The following STARD13 variants were observed in gnomAD, a reference collection of about 807,000 sequenced individuals.
The protein encoded by STARD13 is stAR-related lipid transfer protein 13.
A neutral mutation model predicts 106.4 loss-of-function variants in STARD13; 62 were observed. That is an observed-to-expected ratio of 0.58 (90% CI 0.48 to 0.72). The LOEUF (loss-of-function observed/expected upper bound fraction) is 0.72. Among genes scored for constraint, STARD13 ranks in the 30% least tolerant of loss-of-function variants. The pLI is 0.00. For missense variants in STARD13, 1,387 were observed against 1,424.0 expected (o/e 0.97, Z 0.42); for synonymous variants, 565 against 553.0 (o/e 1.02, Z -0.31).
the STARD13 span, among the ~76,000 whole-genome samples, chr13:33,435,325 G>C: frequency 6.6e-6 from 1 of 152,148 alleles, no homozygotes; most frequent in Non-Finnish European, 1.5e-5. Context: ...CAGCTTGCAA[G>C]AGCTAAAACT....
chr13:33,132,607 T>C (rs932885038), intron 4 of STARD13, among the ~76,000 whole-genome samples: 9 of 152,144 alleles, frequency 5.9e-5, no homozygotes, highest in Admixed American at 6.5e-5. Context: ...TCTCAGCTAC[T>C]TGGGAGTCTG....
intron 1 of STARD13, among the ~76,000 whole-genome samples, chr13:33,332,563 C>A (rs2077848625): frequency 6.6e-6 from 1 of 152,092 alleles, no homozygotes; most frequent in Non-Finnish European, 1.5e-5. Context: ...TTTTTAGAAT[C>A]CAACCATGCT....
intron 1 of STARD13, among the ~76,000 whole-genome samples, chr13:33,176,013 C>T (rs1240919540): frequency 2.0e-5 from 3 of 152,164 alleles, no homozygotes; most frequent in Non-Finnish European, 4.4e-5. Flanking sequence ...AGGATAAAGT[C>T]ACTCCAATAC....
rs749155927 is a variant in STARD13, at chr13:33,292,168, C to G, written c.124+58122G>C. The stretch of plus-strand genomic sequence containing the variant: ...CAAGCCATGAAGTCCTGCACATTTG[C>G]TGGAAGTGGGTGAGAATGTGGCTTA... On this transcript the variant is annotated intron_variant, in intron 1 of 5. Transcript: ENST00000567873. Among the ~76,000 whole-genome samples, 4 of 152,230 alleles carry G rather than the reference C, an allele frequency of 2.6e-5. No individual in the cohort carries two copies. In the East Asian group the frequency reaches 7.7e-4, roughly 29 times the overall value.
chr13:33,625,902 A>G, the STARD13 span, among the ~76,000 whole-genome samples: 1 of 152,060 alleles, frequency 6.6e-6, no homozygotes, highest in Non-Finnish European at 1.5e-5. Flanking sequence ...GGGTTTCACC[A>G]TGTTGGCTAG....
intron 1 of STARD13, among the ~76,000 whole-genome samples, chr13:33,217,594 C>T (rs1036857765): frequency 1.3e-5 from 2 of 152,172 alleles, no homozygotes; most frequent in African/African-American, 4.8e-5. Context: ...CTGGCCTTCT[C>T]CACTTAGCGC....
At chr13:33,318,042 G>T (rs1448929532) in intron 1 of STARD13, among the ~76,000 whole-genome samples, 1 of 152,120 alleles carries the variant, frequency 6.6e-6, no homozygotes, top group African/African-American at 2.4e-5. Flanking sequence ...AACCACATTG[G>T]CATCAATTAG....
chr13:33,424,568 G>C, the STARD13 span, among the ~76,000 whole-genome samples: 1 of 152,168 alleles, frequency 6.6e-6, no homozygotes, highest in Non-Finnish European at 1.5e-5. Context: ...TCCTGTGTCT[G>C]GCCTAAGCAA....
intron 1 of STARD13, among the ~76,000 whole-genome samples, chr13:33,197,779 C>T (rs1886740880): frequency 6.6e-6 from 1 of 152,192 alleles, no homozygotes; most frequent in Non-Finnish European, 1.5e-5. Flanking sequence ...TAATCCAAAA[C>T]ATTGCCACTG....
At chr13:33,427,653 G>T in the STARD13 span, among the ~76,000 whole-genome samples, 1 of 152,118 alleles carries the variant, frequency 6.6e-6, no homozygotes, top group Non-Finnish European at 1.5e-5. Context: ...TGGCTAGTCC[G>T]TAACATAAAA....
the STARD13 span, among the ~76,000 whole-genome samples, chr13:33,422,750 T>C: frequency 6.6e-6 from 1 of 152,034 alleles, no homozygotes. Flanking sequence ...AACAGAGATA[T>C]AGACCAATGG....
At chr13:33,649,150 A>G in the STARD13 span, among the ~76,000 whole-genome samples, 1 of 152,128 alleles carries the variant, frequency 6.6e-6, no homozygotes, top group African/African-American at 2.4e-5. Flanking sequence ...TAGGATCTTG[A>G]TACTCTAGAG....
At chr13:33,503,170 G>A in the STARD13 span, among the ~76,000 whole-genome samples, 7 of 152,196 alleles carry the variant, frequency 4.6e-5, no homozygotes, top group Admixed American at 6.5e-5. Context: ...TATTTATGTA[G>A]AGGTGTTTAT....
At chr13:33,165,284 G>A in intron 3 of STARD13, 53 bp downstream of exon 3, 24 of 1,326,118 alleles carry the variant, frequency 1.8e-5, no homozygotes, top group Non-Finnish European at 2.4e-5. Context: ...GTATAGTGAT[G>A]CCTGTTGCAG....
At chr13:33,428,508 G>A in the STARD13 span, among the ~76,000 whole-genome samples, 21 of 152,022 alleles carry the variant, frequency 1.4e-4, no homozygotes, top group East Asian at 2.9e-3. Flanking sequence ...GACAAAAGAC[G>A]TGAACAGATA....
intron 1 of STARD13, chr13:33,271,629 C>T: frequency 6.6e-6 from 1 of 152,162 alleles, no homozygotes; most frequent in Non-Finnish European, 1.5e-5. Context: ...ATCCTGATGC[C>T]TTGGACATTT....
chr13:33,146,832 C>A (rs1880609622), intron 3 of STARD13, among the ~76,000 whole-genome samples: 1 of 152,310 alleles, frequency 6.6e-6, no homozygotes. Context: ...TTGTGACATT[C>A]AAACCCACCC....
At chr13:33,189,440 A>C (rs1167611264) in intron 1 of STARD13, among the ~76,000 whole-genome samples, 1 of 120,420 alleles carries the variant, frequency 8.3e-6, no homozygotes, top group Non-Finnish European at 1.7e-5. Flanking sequence ...CTTTCGGAGG[A>C]AGGAGGGAAA....
At chr13:33,429,932 G>GGA in the STARD13 span, among the ~76,000 whole-genome samples, 682 of 149,866 alleles carry the variant, frequency 4.6e-3, 20 homozygotes, top group African/African-American at 0.016. Context: ...TTTTTTGGGG[G>GGA]GGGGGGACGG....
Sources: gnomAD v4.1 joint callset for allele counts (sites outside exome capture counted in the v4.1 genomes callset) on GRCh38, gnomAD v4.1.1 for gene constraint, MANE v1.5 for transcripts, NCBI Gene and HGNC (gene_info 2026-07-23, HGNC 2026-07-21) for gene names.